Variants in ODAPH observed in about 807,000 individuals in gnomAD.
ODAPH encodes odontogenesis associated phosphoprotein.
Under a neutral mutation model 2.8 loss-of-function variants are expected in ODAPH, and 2 were observed. That is an observed-to-expected ratio of 0.72 (90% CI 0.30 to 2.28). ODAPH has a LOEUF of 2.28. Among genes scored for constraint, ODAPH ranks in the 30% most tolerant of loss-of-function variants. The pLI is 0.13. For missense variants in ODAPH, 159 were observed against 163.3 expected (o/e 0.97, Z 0.14); for synonymous variants, 75 against 60.3 (o/e 1.24, Z -1.13).
chr4:75,562,835 G>A (rs1265671382), intron 1 of ODAPH, among the ~76,000 whole-genome samples: 1 of 151,938 alleles, frequency 6.6e-6, no homozygotes, highest in Non-Finnish European at 1.5e-5. Flanking sequence ...TCTTTCTCCT[G>A]CTGCTTGTAG....
In ODAPH at chr4:75,556,127, G is replaced by C. The variant is rs1339434142; in HGVS notation, c.45G>C (p.Trp15Cys). ...TCTCCTACTGGTTACTGGTATGCTGGTTGGTGGTAACTGTGGCAGAAGGTA... is the reference window on the plus strand; with the variant it reads ...TCTCCTACTGGTTACTGGTATGCTGCTTGGTGGTAACTGTGGCAGAAGGTA... ...HCFSYWLLVCWLVVTVAEGQE... is the reference protein window; with the variant it reads ...HCFSYWLLVCCLVVTVAEGQE... The change falls in exon 1 of 2, where the codon TGG becomes TGC. Residue 15 changes from tryptophan (W) to cysteine (C), a missense_variant. Physicochemically the swap from Trp to Cys is radical, Grantham distance 215. Coordinates refer to ENST00000311623, the MANE Select transcript of ODAPH (RefSeq NM_178497.5). The C allele has an allele frequency of 6.2e-7, 1 of 1,614,208 alleles. No homozygotes were observed. Among genetic ancestry groups the C allele is most frequent in the East Asian group, 2.2e-5 (1 of 44,886 alleles).
rs770527305 is a variant in ODAPH, at chr4:75,556,071, T to TC, written c.-11dup. On this transcript the variant is annotated 5_prime_UTR_variant, in exon 1 of 2. Coordinates refer to ENST00000311623, the MANE Select transcript of ODAPH (RefSeq NM_178497.5). ...ACATCAGGTTCAACGCAGTGACTGC[T>TC]CAGTAGAAGCCATGGCTCGCAGACA... 1 of 1,613,856 alleles carries TC rather than the reference T, an allele frequency of 6.2e-7. No individual in the cohort carries two copies. The highest frequency in any genetic ancestry group is 8.5e-7 in the Non-Finnish European group (1 of 1,179,760).
At position 75,556,141 on chromosome 4, in the gene ODAPH, T is replaced by G; in HGVS notation, c.59T>G (p.Val20Gly). The change falls in exon 1 of 2, where the codon GTG becomes GGG. Residue 20 changes from valine (V) to glycine (G), a missense_variant. Val to Gly is a moderately radical substitution (Grantham distance 109). Transcript: ENST00000311623. ...CTGGTATGCTGGTTGGTGGTAACTGTGGCAGAAGGTAAGGGTTTTGCTTTT... is the reference window on the plus strand; with the variant it reads ...CTGGTATGCTGGTTGGTGGTAACTGGGGCAGAAGGTAAGGGTTTTGCTTTT... ...WLLVCWLVVT[V>G]AEGQEEVFTP... 1 of 1,614,202 alleles carries G rather than the reference T, an allele frequency of 6.2e-7. No homozygotes were observed. The highest frequency in any genetic ancestry group is 8.5e-7 in the Non-Finnish European group (1 of 1,180,016).
At chr4:75,560,952 C>A (rs1269880615) in intron 1 of ODAPH, among the ~76,000 whole-genome samples, 1 of 152,094 alleles carries the variant, frequency 6.6e-6, no homozygotes, top group African/African-American at 2.4e-5. Context: ...GGCGTGGTGG[C>A]CACGCCTGTA....
At chr4:75,562,231 A>T (rs1178953516) in intron 1 of ODAPH, among the ~76,000 whole-genome samples, 3 of 152,196 alleles carry the variant, frequency 2.0e-5, no homozygotes, top group African/African-American at 7.2e-5. Context: ...TAGGCAAGTA[A>T]CAAGCGTATC....
chr4:75,564,213 G>C lies in ODAPH; in HGVS notation c.167G>C (p.Ser56Thr). Residue 56 changes from serine to threonine, a missense_variant, in exon 2 of 2, where the codon AGT becomes ACT. Ser to Thr is a moderately conservative substitution (Grantham distance 58). Coordinates refer to ENST00000311623, the MANE Select transcript of ODAPH (RefSeq NM_178497.5). The part of the protein sequence containing the change: ...FTLTPPPAPR[S>T]PVTRAQPITK... ...CTCACCCCTCCACCTGCCCCGAGGA[G>C]TCCGGTCACAAGGGCCCAGCCCATC... 1.2e-6 allele frequency: 2 copies of C among 1,614,208 alleles called. No individual in the cohort carries two copies. Among genetic ancestry groups the C allele is most frequent in the Non-Finnish European group, 1.7e-6 (2 of 1,180,040 alleles).
At chr4:75,564,083 T>G in intron 1 of ODAPH, 31 bp from the exon 2 acceptor site, 1 of 1,608,224 alleles carries the variant, frequency 6.2e-7, no homozygotes, top group Non-Finnish European at 8.5e-7. Flanking sequence ...TTACCAGACC[T>G]GTTTCCTGAC....
At position 75,564,608 on chromosome 4, in the gene ODAPH, A is replaced by G. The variant is rs1370731414; in HGVS notation, c.*169A>G. ...TGTTCTCTTTGTCAGCAGTGAAGAT[A>G]TTGGATCATAGGTTATTGATGGTTG... On this transcript the variant is annotated 3_prime_UTR_variant, in exon 2 of 2. Transcript: ENST00000311623. 5 of 1,446,008 alleles carry G rather than the reference A, an allele frequency of 3.5e-6. No homozygotes were observed. Among genetic ancestry groups the G allele is most frequent in the Admixed American group, 4.5e-5 (2 of 44,732 alleles). The allele number at this position is 1,446,008 out of a possible 1,614,324, so 89.6% of individuals were successfully genotyped here.
chr4:75,562,687 G>A (rs1471058198), intron 1 of ODAPH, among the ~76,000 whole-genome samples: 1 of 152,166 alleles, frequency 6.6e-6, no homozygotes, highest in Admixed American at 6.5e-5. Flanking sequence ...CTCTAAGGGA[G>A]TGAAGGAACA....
At chr4:75,556,456 C>A in intron 1 of ODAPH, 2 of 1,140,818 alleles carry the variant, frequency 1.8e-6, no homozygotes, top group Non-Finnish European at 2.5e-6. Context: ...GAGCTATCAT[C>A]TGTGAAAAAC....
In ODAPH at chr4:75,564,555, A is replaced by T; in HGVS notation, c.*116A>T. Reference sequence around the variant, plus strand: ...CTAAAACTATTGGATTTGAAGATTAAGTATCCTAAACATCACTGACTAGAA... The same window carrying T: ...CTAAAACTATTGGATTTGAAGATTATGTATCCTAAACATCACTGACTAGAA... On this transcript the variant is annotated 3_prime_UTR_variant, in exon 2 of 2. Coordinates refer to ENST00000311623, the MANE Select transcript of ODAPH (RefSeq NM_178497.5). 3.2e-6 allele frequency: 5 copies of T among 1,582,088 alleles called. No homozygotes were observed. Among genetic ancestry groups the T allele is most frequent in the Non-Finnish European group, 4.3e-6 (5 of 1,166,968 alleles).
chr4:75,556,858 C>T (rs181122492), intron 1 of ODAPH, among the ~76,000 whole-genome samples: 2 of 152,226 alleles, frequency 1.3e-5, no homozygotes, highest in East Asian at 3.9e-4. Flanking sequence ...TAGATCTAAC[C>T]TTTTCTTCAG....
chr4:75,562,144 A>C (rs1412427072), intron 1 of ODAPH, among the ~76,000 whole-genome samples: 1 of 152,116 alleles, frequency 6.6e-6, no homozygotes, highest in Non-Finnish European at 1.5e-5. Context: ...CCATAGCCAG[A>C]AGGTGCGTAG....
intron 1 of ODAPH, chr4:75,563,210 T>C (rs957903481): frequency 5.9e-5 from 9 of 152,488 alleles, no homozygotes; most frequent in African/African-American, 1.4e-4. Context: ...GTATTTTTAG[T>C]AGAGACGGGG....
At chr4:75,561,660 A>G (rs780614416) in intron 1 of ODAPH, among the ~76,000 whole-genome samples, 1 of 152,162 alleles carries the variant, frequency 6.6e-6, no homozygotes, top group Non-Finnish European at 1.5e-5. Flanking sequence ...CAGCCTGGCC[A>G]ACATGGGGAA....
At chr4:75,561,402 A>AGTAGTAG (rs1727573118) in intron 1 of ODAPH, among the ~76,000 whole-genome samples, 1 of 152,078 alleles carries the variant, frequency 6.6e-6, no homozygotes, top group Non-Finnish European at 1.5e-5. Flanking sequence ...ATTTCAATGT[A>AGTAGTAG]CCCTGAGTAG....
chr4:75,557,681 A>G (rs542043827), intron 1 of ODAPH, among the ~76,000 whole-genome samples: 23 of 152,300 alleles, frequency 1.5e-4, no homozygotes, highest in African/African-American at 5.5e-4. Context: ...TTGATTTCCG[A>G]ATTTGGCTCA....
intron 1 of ODAPH, among the ~76,000 whole-genome samples, chr4:75,561,143 G>C (rs1369350734): frequency 7.0e-6 from 1 of 143,850 alleles, no homozygotes; most frequent in Non-Finnish European, 1.5e-5. Flanking sequence ...AGAATGGCGT[G>C]AACCCGGGAG....
At chr4:75,562,772 G>A (rs1160110402) in intron 1 of ODAPH, among the ~76,000 whole-genome samples, 2 of 152,038 alleles carry the variant, frequency 1.3e-5, no homozygotes, top group Non-Finnish European at 1.5e-5. Flanking sequence ...TATGACACTT[G>A]GGTTTGATCC....
Sources: allele counts gnomAD v4.1 joint callset (sites outside exome capture counted in the v4.1 genomes callset), GRCh38; gene constraint gnomAD v4.1.1; transcripts MANE v1.5; gene names NCBI Gene and HGNC (gene_info 2026-07-23, HGNC 2026-07-21).